PHF21A: variants seen among roughly 807,000 people sequenced by gnomAD.
PHF21A encodes BHC80a.
PHF21A carries 11 observed loss-of-function variants against 82.5 expected under a neutral mutation model. The observed-to-expected ratio is 0.13, with a 90% CI of 0.08 to 0.22. The LOEUF (loss-of-function observed/expected upper bound fraction) is 0.22, where lower values mean the gene tolerates loss of function less well. PHF21A is among the 10% of genes least tolerant of loss of function. PHF21A has a pLI of 1.00. For synonymous variants in PHF21A, 297 were observed against 302.8 expected (o/e 0.98, Z 0.20); for missense variants, 579 against 837.8 (o/e 0.69, Z 3.81).
chr11:45,934,408 G>A, intron 18 of PHF21A, 183 bp from the exon 19 acceptor site: 1 of 593,808 alleles, frequency 1.7e-6, no homozygotes, highest in South Asian at 2.2e-5. Context: ...GAACAGGGCG[G>A]GTGGAGTGGG....
intron 6 of PHF21A, among the ~76,000 whole-genome samples, chr11:46,044,417 T>G (rs1176417875): frequency 7.9e-5 from 12 of 152,138 alleles, no homozygotes; most frequent in Non-Finnish European, 2.9e-5. Context: ...TCTTTACACT[T>G]CCAGTGACCC....
intron 10 of PHF21A, among the ~76,000 whole-genome samples, chr11:45,962,769 T>G (rs1204030345): frequency 6.6e-6 from 1 of 150,744 alleles, no homozygotes; most frequent in East Asian, 2.0e-4. Context: ...GGCAGGCGCA[T>G]GTAGTCCCAG....
intron 1 of PHF21A, among the ~76,000 whole-genome samples, chr11:46,101,012 C>A (rs966377869): frequency 6.6e-6 from 1 of 152,132 alleles, no homozygotes; most frequent in Non-Finnish European, 1.5e-5. Context: ...GAAGGAAGTG[C>A]GGAACAAGAC....
intron 6 of PHF21A, among the ~76,000 whole-genome samples, chr11:45,997,976 C>A (rs898048910): frequency 6.6e-6 from 1 of 152,124 alleles, no homozygotes; most frequent in Admixed American, 6.5e-5. Context: ...GAACACTGGG[C>A]TCGTAAGGAG....
At chr11:46,078,781 T>C (rs2096757420) in intron 5 of PHF21A, among the ~76,000 whole-genome samples, 2 of 152,138 alleles carry the variant, frequency 1.3e-5, no homozygotes, top group African/African-American at 4.8e-5. Context: ...TCTCTTTTCA[T>C]AATATTGGGA....
At chr11:45,968,038 C>T (rs957175453) in intron 9 of PHF21A, among the ~76,000 whole-genome samples, 1 of 152,136 alleles carries the variant, frequency 6.6e-6, no homozygotes, top group Non-Finnish European at 1.5e-5. Context: ...AGATTCCTTA[C>T]CCTAAAAAGA....
At chr11:46,106,238 T>A (rs2097150692) in intron 1 of PHF21A, among the ~76,000 whole-genome samples, 1 of 152,258 alleles carries the variant, frequency 6.6e-6, no homozygotes, top group African/African-American at 2.4e-5. Context: ...ACTCCTGTTT[T>A]ATTTCAATGG....
At chr11:46,007,639 A>G in intron 6 of PHF21A, among the ~76,000 whole-genome samples, 1 of 152,046 alleles carries the variant, frequency 6.6e-6, no homozygotes, top group Non-Finnish European at 1.5e-5. Context: ...TGATAGTTTT[A>G]CTGTTAATTT....
chr11:45,930,635 T>G lies in PHF21A; in HGVS notation c.*3333A>C, dbSNP rs2087574898. On this transcript the variant is annotated 3_prime_UTR_variant, in exon 19 of 19. Transcript: ENST00000676320. ...CTCACTGTTACCAGGATGCAGCGCC[T>G]GGACAGGAGCTGGCAGGGGACTCCC... 6.6e-6 allele frequency: 1 copy of G among 152,352 alleles called. No homozygotes were observed. Among genetic ancestry groups the G allele is most frequent in the Non-Finnish European group, 1.5e-5 (1 of 68,138 alleles). The allele number at this position is 152,352 out of a possible 1,614,324, so 9.4% of individuals were successfully genotyped here.
intron 10 of PHF21A, among the ~76,000 whole-genome samples, chr11:45,959,028 T>A (rs1321804410): frequency 6.6e-6 from 1 of 152,084 alleles, no homozygotes; most frequent in Non-Finnish European, 1.5e-5. Flanking sequence ...ACCAGCAAAC[T>A]GAATCCAAGA....
intron 15 of PHF21A, among the ~76,000 whole-genome samples, chr11:45,945,177 T>C (rs1003752432): frequency 2.0e-5 from 3 of 152,204 alleles, no homozygotes; most frequent in Non-Finnish European, 4.4e-5. Flanking sequence ...CCCTGCTGTA[T>C]CCCCAGCCTC....
chr11:46,102,418 T>A (rs2097107427), intron 1 of PHF21A, among the ~76,000 whole-genome samples: 1 of 152,228 alleles, frequency 6.6e-6, no homozygotes. Flanking sequence ...CAATGACATG[T>A]AAAAGATCAA....
chr11:45,941,259 C>A (rs1394337997), intron 15 of PHF21A, among the ~76,000 whole-genome samples: 1 of 152,066 alleles, frequency 6.6e-6, no homozygotes, highest in African/African-American at 2.4e-5. Context: ...CCACCATGCC[C>A]GGCTAATTTT....
intron 4 of PHF21A, among the ~76,000 whole-genome samples, chr11:46,083,826 ATGT>A (rs2096823621): frequency 6.6e-6 from 1 of 152,242 alleles, no homozygotes; most frequent in Non-Finnish European, 1.5e-5. Flanking sequence ...TGAGTTAGAC[ATGT>A]TGTTATTTAA....
At chr11:45,971,466 A>G in intron 7 of PHF21A, 99 bp from the exon 8 acceptor site, 1 of 1,104,318 alleles carries the variant, frequency 9.1e-7, no homozygotes, top group South Asian at 1.6e-5. Flanking sequence ...GGAAGAAAAC[A>G]AAACAATAAT....
At chr11:45,989,800 A>C (rs889044798) in intron 6 of PHF21A, among the ~76,000 whole-genome samples, 12 of 152,130 alleles carry the variant, frequency 7.9e-5, no homozygotes, top group African/African-American at 2.4e-4. Flanking sequence ...GGAGTTCGAG[A>C]CCAGCCTGGG....
At chr11:46,119,187 T>C (rs1379302531) in intron 1 of PHF21A, among the ~76,000 whole-genome samples, 1 of 152,168 alleles carries the variant, frequency 6.6e-6, no homozygotes, top group African/African-American at 2.4e-5. Context: ...ATATAAATGT[T>C]CTTCCCTCTC....
intron 7 of PHF21A, 107 bp downstream of exon 7, chr11:45,979,653 T>TA: frequency 6.7e-7 from 1 of 1,499,474 alleles, no homozygotes; most frequent in Non-Finnish European, 9.2e-7. Flanking sequence ...AACTTTTGTT[T>TA]AGTTCTAGCT....
At chr11:45,998,806 C>T (rs538709033) in intron 6 of PHF21A, among the ~76,000 whole-genome samples, 3 of 147,528 alleles carry the variant, frequency 2.0e-5, no homozygotes, top group Non-Finnish European at 4.5e-5. Flanking sequence ...AGGCATGAGC[C>T]ACCACACCCG....
Sources: gnomAD v4.1 joint callset for allele counts (sites outside exome capture counted in the v4.1 genomes callset) on GRCh38, gnomAD v4.1.1 for gene constraint, MANE v1.5 for transcripts, NCBI Gene and HGNC (gene_info 2026-07-23, HGNC 2026-07-21) for gene names.